CADM2: variants seen among roughly 807,000 people sequenced by gnomAD.
CADM2 encodes the protein immunoglobulin superfamily member 4D.
In CADM2, 12 loss-of-function variants were observed where a neutral mutation model predicts 49.8. The observed-to-expected ratio is 0.24, with a 90% CI of 0.15 to 0.39. The LOEUF (loss-of-function observed/expected upper bound fraction) is 0.39. Among genes scored for constraint, CADM2 ranks in the 10% least tolerant of loss-of-function variants. The probability of loss-of-function intolerance (pLI) is 1.00; values close to 1 mark genes in which losing one functional copy is unlikely to be tolerated. For missense variants in CADM2, 378 were observed against 492.3 expected, an observed-to-expected ratio of 0.77 and a Z score of 2.20; for synonymous variants, 214 against 175.4, an observed-to-expected ratio of 1.22 and a Z score of -1.74.
chr3:85,117,145 C>T (rs1262613110), intron 1 of CADM2, among the ~76,000 whole-genome samples: 2 of 152,004 alleles, frequency 1.3e-5, no homozygotes, highest in East Asian at 1.9e-4. Context: ...TACTTGAACC[C>T]GGGAGGTGGA....
At chr3:85,601,046 A>G (rs188854011) in intron 1 of CADM2, among the ~76,000 whole-genome samples, 11 of 149,324 alleles carry the variant, frequency 7.4e-5, no homozygotes, top group Admixed American at 5.4e-4. Flanking sequence ...ATTCATATAC[A>G]TACCTATATT....
At chr3:85,248,491 G>A (rs2042701416) in intron 1 of CADM2, among the ~76,000 whole-genome samples, 2 of 152,254 alleles carry the variant, frequency 1.3e-5, no homozygotes, top group South Asian at 2.1e-4. Flanking sequence ...ACCCCGGCTG[G>A]TCTTGAACTC....
intron 8 of CADM2, among the ~76,000 whole-genome samples, chr3:86,029,423 C>G (rs1734290828): frequency 6.6e-6 from 1 of 151,434 alleles, no homozygotes; most frequent in South Asian, 2.1e-4. Flanking sequence ...TTTAATAGAT[C>G]GTTATTTGTG....
intron 2 of CADM2, among the ~76,000 whole-genome samples, chr3:85,733,169 A>G (rs1263874786): frequency 6.6e-6 from 1 of 152,168 alleles, no homozygotes; most frequent in Non-Finnish European, 1.5e-5. Flanking sequence ...AACCTCACTT[A>G]TTCCCTCTTG....
rs766513562 is a variant in CADM2, at chr3:86,070,416, G to GA, written c.*3635dup. 2 of 151,838 alleles carry GA rather than the reference G, an allele frequency of 1.3e-5. No individual in the cohort carries two copies. Among genetic ancestry groups the GA allele is most frequent in the Non-Finnish European group, 2.9e-5 (2 of 67,832 alleles). The allele number at this position is 151,838 out of a possible 1,614,324, so 9.4% of individuals were successfully genotyped here. On this transcript the variant is annotated 3_prime_UTR_variant, in exon 10 of 10. Transcript: ENST00000383699. ...ACTTATTGCAAAGTGTTACCAAGGGGAACATTTCAAATGCCTTTTGTTTTT... is the reference window on the plus strand; with the variant it reads ...ACTTATTGCAAAGTGTTACCAAGGGGAAACATTTCAAATGCCTTTTGTTTTT...
chr3:85,558,463 A>C (rs1398016654), intron 1 of CADM2, among the ~76,000 whole-genome samples: 5 of 150,626 alleles, frequency 3.3e-5, no homozygotes, highest in Non-Finnish European at 7.4e-5. Context: ...AAGACAGTTA[A>C]TATGATGATA....
At chr3:85,469,059 G>C (rs977640837) in intron 1 of CADM2, among the ~76,000 whole-genome samples, 1 of 152,204 alleles carries the variant, frequency 6.6e-6, no homozygotes, top group African/African-American at 2.4e-5. Flanking sequence ...GTCAGAGAAA[G>C]CTTTTTAGGC....
At chr3:85,014,187 A>G (rs148038249) in intron 1 of CADM2, among the ~76,000 whole-genome samples, 7,272 of 148,326 alleles carry the variant, frequency 0.049, 222 homozygotes, top group East Asian at 0.1. Flanking sequence ...ATAATATTGT[A>G]TATTATATAT....
At chr3:86,035,059 TTACAA>T (rs1734987639) in intron 8 of CADM2, among the ~76,000 whole-genome samples, 1 of 152,046 alleles carries the variant, frequency 6.6e-6, no homozygotes, top group African/African-American at 2.4e-5. Context: ...TAGATTGCAA[TTACAA>T]TTATTTGTAT....
chr3:85,228,686 C>T (rs986557858), intron 1 of CADM2, among the ~76,000 whole-genome samples: 3 of 152,018 alleles, frequency 2.0e-5, no homozygotes, highest in African/African-American at 4.8e-5. Context: ...CTGATCCTTC[C>T]TCTGGAAGCT....
intron 1 of CADM2, among the ~76,000 whole-genome samples, chr3:85,088,149 T>C (rs2037454608): frequency 6.6e-6 from 1 of 152,196 alleles, no homozygotes; most frequent in Non-Finnish European, 1.5e-5. Context: ...TGTCTATAGA[T>C]TCTATATACT....
At chr3:85,625,595 G>A (rs1485336772) in intron 1 of CADM2, among the ~76,000 whole-genome samples, 1 of 152,048 alleles carries the variant, frequency 6.6e-6, no homozygotes, top group African/African-American at 2.4e-5. Flanking sequence ...CAGCGAGGAT[G>A]TCACTCTTCT....
At chr3:85,935,251 C>T (rs763455400) in intron 6 of CADM2, among the ~76,000 whole-genome samples, 32 of 152,074 alleles carry the variant, frequency 2.1e-4, no homozygotes, top group Non-Finnish European at 2.9e-4. Context: ...TCAGAGCAAG[C>T]GGCATGTGCC....
chr3:86,027,313 C>G (rs541222772), intron 8 of CADM2, among the ~76,000 whole-genome samples: 1 of 152,132 alleles, frequency 6.6e-6, no homozygotes, highest in South Asian at 2.1e-4. Context: ...ACATTGCATA[C>G]CGTATATTGG....
At chr3:85,236,164 T>G (rs2042402820) in intron 1 of CADM2, among the ~76,000 whole-genome samples, 1 of 152,082 alleles carries the variant, frequency 6.6e-6, no homozygotes, top group African/African-American at 2.4e-5. Context: ...ATCCGTGCAC[T>G]AGCTCCCTTC....
intron 2 of CADM2, among the ~76,000 whole-genome samples, chr3:85,728,953 T>C (rs2067821340): frequency 6.6e-6 from 1 of 152,182 alleles, no homozygotes; most frequent in Non-Finnish European, 1.5e-5. Context: ...TGTGAGTTAC[T>C]ATACCAGTAT....
At chr3:85,018,263 G>C (rs2034336335) in intron 1 of CADM2, among the ~76,000 whole-genome samples, 1 of 152,126 alleles carries the variant, frequency 6.6e-6, no homozygotes, top group Non-Finnish European at 1.5e-5. Context: ...CAAATTAAAT[G>C]AAAACAAAAC....
chr3:86,066,238 C>T (rs1402323334), intron 9 of CADM2, among the ~76,000 whole-genome samples: 1 of 142,648 alleles, frequency 7.0e-6, no homozygotes, highest in Admixed American at 7.8e-5. Flanking sequence ...GAGGCTGAGG[C>T]AGGAGAATTG....
At chr3:85,499,735 G>A in intron 1 of CADM2, among the ~76,000 whole-genome samples, 1 of 152,022 alleles carries the variant, frequency 6.6e-6, no homozygotes, top group East Asian at 1.9e-4. Flanking sequence ...TGTTATGGTA[G>A]CGGGGACATT....
Sources: allele counts gnomAD v4.1 joint callset (sites outside exome capture counted in the v4.1 genomes callset), GRCh38; gene constraint gnomAD v4.1.1; transcripts MANE v1.5; gene names NCBI Gene and HGNC (gene_info 2026-07-23, HGNC 2026-07-21).